The following ELMO1 variants were observed in gnomAD, a reference collection of about 807,000 sequenced individuals.
ELMO1 encodes engulfment and cell motility 1.
Under a neutral mutation model 98.9 loss-of-function variants are expected in ELMO1, and 26 were observed. The ratio of observed to expected loss-of-function variants is 0.26; its 90% CI spans 0.19 to 0.36. The LOEUF is 0.36. ELMO1 is among the 10% of genes least tolerant of loss of function. The pLI is 1.00. For synonymous variants in ELMO1, 346 were observed against 346.0 expected (o/e 1.00, Z 0.00); for missense variants, 627 against 935.2 (o/e 0.67, Z 4.30).
Position 37,434,212 on chromosome 7 carries a change from T to A in ELMO1, c.-74+14463A>T, listed in dbSNP as rs561885605. ...TCTGGTTGCCTCATTAGGTGGTACC[T>A]TGAGGTTTATAATTTTTTTTAGTCA... On this transcript the variant is annotated intron_variant, in intron 1 of 21. Transcript: ENST00000310758. Among the ~76,000 whole-genome samples, 14 of 152,238 alleles carry A rather than the reference T, an allele frequency of 9.2e-5. No individual in the cohort carries two copies. In the South Asian group the frequency reaches 1.7e-3, roughly 18 times the overall value.
At chr7:37,375,386 T>G (rs1802292107) in intron 1 of ELMO1, 1 of 588,602 alleles carries the variant, frequency 1.7e-6, no homozygotes, top group South Asian at 2.0e-5. Context: ...ATGCAGGTCT[T>G]AGCAGAATTC....
In ELMO1 at chr7:36,884,714, G is replaced by A. The variant is rs142635831; in HGVS notation, c.1714+2846C>T. ...CAGAAGGATCAGCAAGTATCAACTC[G>A]GGGACCTGCTAGCCAAACGTGGCAC... On this transcript the variant is annotated intron_variant, in intron 18 of 21. Coordinates refer to ENST00000310758, the MANE Select transcript of ELMO1 (RefSeq NM_014800.11). Among the ~76,000 whole-genome samples, 188 of 152,318 alleles carry A rather than the reference G, an allele frequency of 1.2e-3. 4 individuals are homozygous for A. The South Asian group carries it at 0.028, about 23-fold the overall frequency.
In ELMO1 at chr7:37,181,646, A is replaced by G. The variant is rs551780621; in HGVS notation, c.1086+29740T>C. Among the ~76,000 whole-genome samples the G allele has an allele frequency of 5.3e-5, 8 of 152,302 alleles. No homozygotes were observed. In the South Asian group the frequency reaches 8.3e-4, roughly 16 times the overall value. On this transcript the variant is annotated intron_variant, in intron 13 of 21. Transcript: ENST00000310758. Reference sequence around the variant, plus strand: ...TCAATAAATATTTGTCAAAAAAAGAAAGCAGGAATGTATTGCAGTCCTCAT... The same window carrying G: ...TCAATAAATATTTGTCAAAAAAAGAGAGCAGGAATGTATTGCAGTCCTCAT...
intron 15 of ELMO1, among the ~76,000 whole-genome samples, chr7:37,036,615 G>A (rs565532345): frequency 6.6e-6 from 1 of 152,094 alleles, no homozygotes; most frequent in African/African-American, 2.4e-5. Context: ...CTAACCTCAA[G>A]TAATCCTCCC....
At chr7:36,877,154 G>C (rs563278518) in intron 19 of ELMO1, among the ~76,000 whole-genome samples, 3 of 152,306 alleles carry the variant, frequency 2.0e-5, no homozygotes, top group East Asian at 3.9e-4. Context: ...TCTGGGTAAG[G>C]ACACTGTCTG....
chr7:37,144,040 C>T (rs1340262002), intron 13 of ELMO1, among the ~76,000 whole-genome samples: 1 of 151,978 alleles, frequency 6.6e-6, no homozygotes, highest in Non-Finnish European at 1.5e-5. Context: ...ATAATTTCTC[C>T]ACCCCCTCAG....
At chr7:37,444,948 GC>G (rs1805549241) in intron 1 of ELMO1, among the ~76,000 whole-genome samples, 1 of 152,214 alleles carries the variant, frequency 6.6e-6, no homozygotes, top group Admixed American at 6.5e-5. Flanking sequence ...ATTTCTTGTA[GC>G]CCTCTAGAAC....
chr7:36,972,895 C>T (rs1246983502), intron 16 of ELMO1, among the ~76,000 whole-genome samples: 1 of 152,186 alleles, frequency 6.6e-6, no homozygotes, highest in East Asian at 1.9e-4. Context: ...ATTCTCCTGC[C>T]TCAGCCTCCT....
intron 6 of ELMO1, among the ~76,000 whole-genome samples, chr7:37,249,663 T>A (rs1795229492): frequency 6.6e-6 from 1 of 152,224 alleles, no homozygotes; most frequent in Admixed American, 6.5e-5. Context: ...TTCTGCAAGC[T>A]ATTGGGCTAT....
At chr7:37,279,822 GC>G (rs1287973813) in intron 4 of ELMO1, among the ~76,000 whole-genome samples, 2 of 152,194 alleles carry the variant, frequency 1.3e-5, no homozygotes, top group African/African-American at 4.8e-5. Context: ...AGTGAGACTG[GC>G]CCTTCAGTTT....
rs558733097 is a variant in ELMO1 at position 37,164,181 on chromosome 7, G to A, written c.1087-30947C>T. Among the ~76,000 whole-genome samples the A allele has an allele frequency of 1.9e-3, 287 of 152,192 alleles. 2 individuals are homozygous for A. The highest frequency in any genetic ancestry group is 6.7e-3 in the African/African-American group (279 of 41,520). ...ATATCCTTTGCCCACTTTTTCATGG[G>A]GTTGTTTGTTATTTCTTGTAAATTT... is the stretch of plus-strand genomic sequence containing the variant. On this transcript the variant is annotated intron_variant, in intron 13 of 21. Transcript: ENST00000310758.
At chr7:37,230,683 G>T (rs1284071419) in intron 8 of ELMO1, among the ~76,000 whole-genome samples, 1 of 152,164 alleles carries the variant, frequency 6.6e-6, no homozygotes, top group Non-Finnish European at 1.5e-5. Flanking sequence ...AGCAAAAGAG[G>T]CTCTCATAAC....
chr7:36,930,866 G>A (rs1460444508), intron 16 of ELMO1, among the ~76,000 whole-genome samples: 3 of 152,114 alleles, frequency 2.0e-5, no homozygotes, highest in Non-Finnish European at 2.9e-5. Context: ...TGCACAAAGG[G>A]GACACGCAGA....
intron 1 of ELMO1, among the ~76,000 whole-genome samples, chr7:37,377,391 C>A (rs1802396284): frequency 6.6e-6 from 1 of 151,994 alleles, no homozygotes; most frequent in African/African-American, 2.4e-5. Context: ...TGAGGCAGAT[C>A]TTCTGGGTTC....
chr7:37,150,672 G>A (rs1788298613), intron 13 of ELMO1, among the ~76,000 whole-genome samples: 1 of 152,080 alleles, frequency 6.6e-6, no homozygotes, highest in Non-Finnish European at 1.5e-5. Context: ...TGGATTAGCA[G>A]TATCAAGACA....
At chr7:37,361,772 A>T (rs983030121) in intron 1 of ELMO1, among the ~76,000 whole-genome samples, 1 of 152,090 alleles carries the variant, frequency 6.6e-6, no homozygotes, top group African/African-American at 2.4e-5. Flanking sequence ...CAGCCTGGGC[A>T]ACACAGGGAA....
At chr7:36,924,320 T>C (rs10951505) in intron 16 of ELMO1, among the ~76,000 whole-genome samples, 142,288 of 152,174 alleles carry the variant, frequency 0.94, 66,717 homozygotes, top group South Asian at 0.99. Context: ...GGAGGCTGTG[T>C]CCACTCAGTA....
In ELMO1 at chr7:37,211,530, G is replaced by A; in HGVS notation, c.955-13C>T. ...TGTCCCTCTGAGCCTGAAGGAATCA[G>A]GGAGTAAAAAGAAAAGGGAGGGGAA... On this transcript the variant is annotated splice_polypyrimidine_tract_variant and intron_variant, in intron 12 of 21. Coordinates refer to ENST00000310758, the MANE Select transcript of ELMO1 (RefSeq NM_014800.11). 1.2e-6 allele frequency: 2 copies of A among 1,612,304 alleles called. No individual in the cohort carries two copies. The highest frequency in any genetic ancestry group is 8.5e-7 in the Non-Finnish European group (1 of 1,179,098).
At chr7:37,225,440 T>C (rs991400197) in intron 8 of ELMO1, among the ~76,000 whole-genome samples, 3 of 152,148 alleles carry the variant, frequency 2.0e-5, no homozygotes, top group Non-Finnish European at 4.4e-5. Context: ...GGCTACTCCT[T>C]CATCCACACA....
Sources: allele counts gnomAD v4.1 joint callset (sites outside exome capture counted in the v4.1 genomes callset), GRCh38; gene constraint gnomAD v4.1.1; transcripts MANE v1.5; gene names NCBI Gene and HGNC (gene_info 2026-07-23, HGNC 2026-07-21).